MSL2: variants seen among roughly 807,000 people sequenced by gnomAD.
The protein encoded by MSL2 is MSL complex subunit 2.
A neutral mutation model predicts 35.8 loss-of-function variants in MSL2; 2 were observed. That is an observed-to-expected ratio of 0.06 (90% confidence interval 0.02 to 0.18). The LOEUF (loss-of-function observed/expected upper bound fraction) is 0.18. MSL2 is among the 10% of genes least tolerant of loss of function. MSL2 has a pLI of 1.00. For synonymous variants in MSL2, 296 were observed against 255.7 expected, an observed-to-expected ratio of 1.16 and a Z score of -1.50; for missense variants, 523 against 706.7, an observed-to-expected ratio of 0.74 and a Z score of 2.95.
rs539915608 is a variant in MSL2 at position 136,181,105 on chromosome 3, A to G, written c.142+13867T>C. Reference sequence around the variant, plus strand: ...GAGGTGGAGGTTGCAGTGAGGTGAGATTGCGCCACTGCACTCCAACCTGGC... The same window carrying G: ...GAGGTGGAGGTTGCAGTGAGGTGAGGTTGCGCCACTGCACTCCAACCTGGC... On this transcript the variant is annotated intron_variant, in intron 1 of 1. Transcript: ENST00000309993. Among the ~76,000 whole-genome samples, 20 of 152,048 alleles carry G rather than the reference A, an allele frequency of 1.3e-4. No individual in the cohort carries two copies. The South Asian group carries it at 4.0e-3, about 30-fold the overall frequency.
At chr3:136,192,860 T>C (rs1173303621) in intron 1 of MSL2, among the ~76,000 whole-genome samples, 2 of 152,348 alleles carry the variant, frequency 1.3e-5, no homozygotes, top group South Asian at 2.1e-4. Context: ...GTCTAGTACA[T>C]ACCTGGTACA....
intron 1 of MSL2, among the ~76,000 whole-genome samples, chr3:136,185,914 A>G (rs1940508243): frequency 6.6e-6 from 1 of 152,162 alleles, no homozygotes; most frequent in South Asian, 2.1e-4. Context: ...ATCAATGGAG[A>G]CAATTACATA....
At chr3:136,162,132 C>A (rs1246058886) in intron 1 of MSL2, among the ~76,000 whole-genome samples, 3 of 151,530 alleles carry the variant, frequency 2.0e-5, no homozygotes, top group Admixed American at 2.0e-4. Context: ...GAGACGGGGT[C>A]TCACCATGTT....
In MSL2 at chr3:136,149,626, AAAAAC is replaced by A. The variant is rs915738907; in HGVS notation, c.*1516_*1520del. On this transcript the variant is annotated 3_prime_UTR_variant, in exon 2 of 2. Transcript: ENST00000309993. ...GAAAAAAAAGCCCAACAACAACAACAAAAACAACTCTACCTGACCACATTCACAGA... is the reference window on the plus strand; with the variant it reads ...GAAAAAAAAGCCCAACAACAACAACAAACTCTACCTGACCACATTCACAGA... 3 of 151,636 alleles carry A rather than the reference AAAAAC, an allele frequency of 2.0e-5. No homozygotes were observed. Among genetic ancestry groups the A allele is most frequent in the African/African-American group, 7.3e-5 (3 of 41,252 alleles). The allele number at this position is 151,636 out of a possible 1,614,324, so 9.4% of individuals were successfully genotyped here.
chr3:136,168,959 AG>A (rs1939932024), intron 1 of MSL2, among the ~76,000 whole-genome samples: 1 of 152,130 alleles, frequency 6.6e-6, no homozygotes, highest in African/African-American at 2.4e-5. Flanking sequence ...AAGAAAAAAA[AG>A]AAAACCTTTA....
intron 1 of MSL2, among the ~76,000 whole-genome samples, chr3:136,188,704 G>A (rs1441313378): frequency 2.8e-5 from 4 of 144,710 alleles, no homozygotes; most frequent in African/African-American, 1.0e-4. Context: ...CCAGCCTGGG[G>A]AAGAGAGCAA....
chr3:136,186,519 G>A (rs771915792), intron 1 of MSL2, among the ~76,000 whole-genome samples: 4 of 152,162 alleles, frequency 2.6e-5, no homozygotes, highest in Admixed American at 2.6e-4. Context: ...ACTCCCCACT[G>A]CTCGCATTAC....
chr3:136,169,128 A>T (rs1157168883), intron 1 of MSL2, among the ~76,000 whole-genome samples: 1 of 148,468 alleles, frequency 6.7e-6, no homozygotes, highest in African/African-American at 2.5e-5. Flanking sequence ...CTGCAAACAG[A>T]AAATCTTCCA....
chr3:136,159,488 C>T (rs1208747741), intron 1 of MSL2, among the ~76,000 whole-genome samples: 3 of 150,024 alleles, frequency 2.0e-5, no homozygotes, highest in Admixed American at 6.6e-5. Flanking sequence ...CTCAGCCTCC[C>T]GAGTAGCTGG....
At chr3:136,188,111 C>T (rs1401154433) in intron 1 of MSL2, among the ~76,000 whole-genome samples, 2 of 151,982 alleles carry the variant, frequency 1.3e-5, no homozygotes, top group Non-Finnish European at 2.9e-5. Context: ...TTACACAAGC[C>T]AAAGGTTTTC....
intron 1 of MSL2, among the ~76,000 whole-genome samples, chr3:136,189,667 T>A (rs888731148): frequency 2.8e-5 from 4 of 141,470 alleles, no homozygotes; most frequent in African/African-American, 1.1e-4. Flanking sequence ...GAGCTTGCAG[T>A]GAGCCAAGAT....
intron 1 of MSL2, among the ~76,000 whole-genome samples, chr3:136,171,776 G>T (rs970024450): frequency 6.6e-6 from 1 of 152,146 alleles, no homozygotes; most frequent in Non-Finnish European, 1.5e-5. Flanking sequence ...GTATGGCCAG[G>T]TCTATAAAGG....
At chr3:136,180,975 A>G (rs1219755338) in intron 1 of MSL2, among the ~76,000 whole-genome samples, 1 of 151,086 alleles carries the variant, frequency 6.6e-6, no homozygotes, top group East Asian at 2.0e-4. Context: ...AATGTAGTGA[A>G]ATTCTGACTC....
Position 136,150,957 on chromosome 3 carries a change from A to G in MSL2, c.*190T>C. On this transcript the variant is annotated 3_prime_UTR_variant, in exon 2 of 2. Coordinates refer to ENST00000309993, the MANE Select transcript of MSL2 (RefSeq NM_018133.4). Reference sequence around the variant, plus strand: ...GGTTCTGTAAGAACTAAGGACATATAGTTGTAGGGTTACTCCTCCATTATC... The same window carrying G: ...GGTTCTGTAAGAACTAAGGACATATGGTTGTAGGGTTACTCCTCCATTATC... 1.7e-6 allele frequency: 1 copy of G among 597,246 alleles called. No homozygotes were observed. Among genetic ancestry groups the G allele is most frequent in the South Asian group, 2.3e-5 (1 of 43,464 alleles). 37.0% of individuals were successfully genotyped at this position (597,246 alleles called of 1,614,324 possible). A position where few individuals can be genotyped will look rare whatever the true frequency, so the allele number is the denominator to read the frequency against.
chr3:136,178,234 T>C (rs1940237510), intron 1 of MSL2, among the ~76,000 whole-genome samples: 1 of 152,232 alleles, frequency 6.6e-6, no homozygotes, highest in South Asian at 2.1e-4. Context: ...AGCACTTTTA[T>C]AATATTCCAT....
At chr3:136,160,164 T>C (rs1939658211) in intron 1 of MSL2, among the ~76,000 whole-genome samples, 1 of 149,712 alleles carries the variant, frequency 6.7e-6, no homozygotes. Flanking sequence ...TAGTCCCAGC[T>C]ACTCAGGAGT....
rs748374295 is a variant in MSL2, at chr3:136,152,496, T to C, written c.385A>G (p.Ile129Val). ...IIEAVDCSSD[I>V]LALLNDGSLF... is the part of the protein sequence containing the mutation. ...GATCCATCATTAAGCAAAGCCAAAATATCAGAAGAACAGTCAACTGCTTCT... is the reference window on the plus strand; with the variant it reads ...GATCCATCATTAAGCAAAGCCAAAACATCAGAAGAACAGTCAACTGCTTCT... The change falls in exon 2 of 2, where the codon ATT (isoleucine) becomes GTT (valine). Residue 129 changes from isoleucine (I) to valine (V), a missense_variant. This residue lies in a region of MSL2 where 361 missense variants were observed against 414.6 expected (regional missense o/e 0.87). Transcript: ENST00000309993. 6.2e-7 allele frequency: 1 copy of C among 1,614,200 alleles called. No individual in the cohort carries two copies. Among genetic ancestry groups the C allele is most frequent in the Admixed American group, 1.7e-5 (1 of 60,026 alleles).
At position 136,150,250 on chromosome 3, in the gene MSL2, A is replaced by G. The variant is rs1473033325; in HGVS notation, c.*897T>C. 1 of 152,324 alleles carries G rather than the reference A, an allele frequency of 6.6e-6. No individual in the cohort carries two copies. The highest frequency in any genetic ancestry group is 1.5e-5 in the Non-Finnish European group (1 of 68,042). The allele number at this position is 152,324 out of a possible 1,614,324, so 9.4% of individuals were successfully genotyped here. A position where few individuals can be genotyped will look rare whatever the true frequency, so the allele number is the denominator to read the frequency against. ...GGCAAATAAACTATTAGAGAAAATA[A>G]GTCAAAGTGGCGGCCAGTGGCAATA... On this transcript the variant is annotated 3_prime_UTR_variant, in exon 2 of 2. Coordinates refer to ENST00000309993, the MANE Select transcript of MSL2 (RefSeq NM_018133.4).
intron 1 of MSL2, among the ~76,000 whole-genome samples, chr3:136,177,462 C>G (rs533740702): frequency 3.3e-5 from 5 of 152,170 alleles, no homozygotes; most frequent in African/African-American, 1.2e-4. Context: ...ATCATGAGGT[C>G]AGGAGATCGA....
Sources: allele counts gnomAD v4.1 joint callset (sites outside exome capture counted in the v4.1 genomes callset), GRCh38; gene constraint gnomAD v4.1.1; regional missense constraint gnomAD v4.1.1; transcripts MANE v1.5; gene names NCBI Gene and HGNC (gene_info 2026-07-23, HGNC 2026-07-21).